TMC7: variants seen among roughly 807,000 people sequenced by gnomAD.
The protein encoded by TMC7 is transmembrane channel-like protein 7.
In TMC7, 54 loss-of-function variants were observed where a neutral mutation model predicts 82.9. The observed-to-expected ratio is 0.65, with a 90% CI of 0.52 to 0.82. The LOEUF is 0.82. TMC7 is among the 40% of genes least tolerant of loss of function. The pLI, the probability that TMC7 is intolerant of heterozygous loss-of-function variation, is 0.00. For synonymous variants in TMC7, 350 were observed against 337.9 expected, an observed-to-expected ratio of 1.04 and a Z score of -0.39; for missense variants, 820 against 901.2, an observed-to-expected ratio of 0.91 and a Z score of 1.15.
At chr16:18,990,107 AG>A in intron 1 of TMC7, among the ~76,000 whole-genome samples, 1 of 152,222 alleles carries the variant, frequency 6.6e-6, no homozygotes, top group East Asian at 1.9e-4. Context: ...AAGGGTGGGG[AG>A]AATTGCAAAG....
chr16:19,047,890 G>A (rs1254470779), intron 12 of TMC7, among the ~76,000 whole-genome samples: 6 of 149,032 alleles, frequency 4.0e-5, no homozygotes, highest in African/African-American at 9.9e-5. Flanking sequence ...TAGTAGAGAC[G>A]GGGTTTCACC....
intron 9 of TMC7, among the ~76,000 whole-genome samples, chr16:19,044,015 G>A (rs1186828076): frequency 1.6e-4 from 25 of 152,148 alleles, no homozygotes; most frequent in African/African-American, 5.3e-4. Flanking sequence ...GACTACAGGC[G>A]TGTGCCACCA....
chr16:19,016,987 C>A (rs1959725049), intron 3 of TMC7, among the ~76,000 whole-genome samples: 1 of 152,046 alleles, frequency 6.6e-6, no homozygotes. Context: ...AGTTTGAGAC[C>A]AGCCTGGACA....
At chr16:19,051,968 C>T (rs1463896860) in intron 13 of TMC7, 152 bp downstream of exon 13, 2 of 976,528 alleles carry the variant, frequency 2.0e-6, no homozygotes, top group Admixed American at 4.4e-5. Flanking sequence ...AGTCTTGGCT[C>T]ACTGCAACCT....
At chr16:18,984,762 A>G (rs2038813703) in intron 1 of TMC7, among the ~76,000 whole-genome samples, 1 of 152,322 alleles carries the variant, frequency 6.6e-6, no homozygotes, top group Non-Finnish European at 1.5e-5. Flanking sequence ...GTAGAATTAC[A>G]GTAAAGTATA....
chr16:18,995,807 C>T (rs576636018), intron 1 of TMC7, among the ~76,000 whole-genome samples: 23 of 152,144 alleles, frequency 1.5e-4, no homozygotes, highest in Admixed American at 1.2e-3. Context: ...GTTTGAGGGC[C>T]GGAATCTAAT....
chr16:19,030,950 GGT>G (rs1437765122), intron 6 of TMC7, among the ~76,000 whole-genome samples: 1 of 152,016 alleles, frequency 6.6e-6, no homozygotes, highest in East Asian at 1.9e-4. Context: ...CCTTTGCTTA[GGT>G]GTGTATATTA....
chr16:19,035,738 A>G lies in TMC7; in HGVS notation c.920A>G (p.Asn307Ser). 2 of 1,613,864 alleles carry G rather than the reference A, an allele frequency of 1.2e-6. No individual in the cohort carries two copies. The highest frequency in any genetic ancestry group is 1.7e-6 in the Non-Finnish European group (2 of 1,179,948). The change falls in exon 7 of 16, where the codon AAC (asparagine) becomes AGC (serine). Residue 307 changes from asparagine to serine, a missense_variant. Asn to Ser is a conservative substitution (Grantham distance 46). This residue lies in a region of TMC7 where 650 missense variants were observed against 669.9 expected (regional missense o/e 0.97). Transcript: ENST00000304381. Reference protein sequence around the residue: ...RSEEHFQSYCNKIFAGWDFCI... With the variant: ...RSEEHFQSYCSKIFAGWDFCI... Reference sequence around the variant, plus strand: ...GAGGAGCACTTTCAGAGTTACTGCAACAAGATATTTGCCGGCTGGGACTTC... The same window carrying G: ...GAGGAGCACTTTCAGAGTTACTGCAGCAAGATATTTGCCGGCTGGGACTTC...
chr16:18,994,040 T>C (rs1359494414), intron 1 of TMC7, among the ~76,000 whole-genome samples: 1 of 151,990 alleles, frequency 6.6e-6, no homozygotes, highest in Non-Finnish European at 1.5e-5. Context: ...GTCGGGTGGA[T>C]CAGAGAGATA....
At chr16:19,034,426 GTC>G (rs146734742) in intron 6 of TMC7, among the ~76,000 whole-genome samples, 19,107 of 149,244 alleles carry the variant, frequency 0.13, 1,303 homozygotes, top group South Asian at 0.17. Context: ...GTGAAATCCT[GTC>G]TCTACTAAAA....
Position 19,030,272 on chromosome 16 carries a change from G to A in TMC7, c.760G>A (p.Gly254Arg). The change falls in exon 6 of 16, where the codon GGG becomes AGG. Residue 254 changes from glycine (G) to arginine (R), a missense_variant. By Grantham distance (125) the Gly-to-Arg change is moderately radical. This residue lies in a region of TMC7 where 650 missense variants were observed against 669.9 expected (regional missense o/e 0.97). Transcript: ENST00000304381. ...CTTTTACGGACATTACACCATTGAT[G>A]GGGTGAAATTTCAGAACTTCACCTA... Reference protein sequence around the residue: ...SLFYGHYTIDGVKFQNFTYDL... With the variant: ...SLFYGHYTIDRVKFQNFTYDL... 1 of 1,613,500 alleles carries A rather than the reference G, an allele frequency of 6.2e-7. No homozygotes were observed. Among genetic ancestry groups the A allele is most frequent in the Non-Finnish European group, 8.5e-7 (1 of 1,179,872 alleles).
intron 13 of TMC7, 142 bp from the exon 14 acceptor site, chr16:19,056,400 C>T (rs1461846162): frequency 2.8e-5 from 28 of 987,836 alleles, no homozygotes; most frequent in South Asian, 1.1e-4. Context: ...TAAGCATTTT[C>T]GACTCAAACA....
chr16:19,006,474 G>A (rs1296147553), intron 1 of TMC7, among the ~76,000 whole-genome samples: 6 of 151,932 alleles, frequency 3.9e-5, no homozygotes, highest in Non-Finnish European at 4.4e-5. Context: ...GTGAGCCACC[G>A]TGCCCGGCCC....
intron 7 of TMC7, among the ~76,000 whole-genome samples, chr16:19,037,082 G>C (rs1960781258): frequency 1.3e-5 from 2 of 152,040 alleles, no homozygotes; most frequent in African/African-American, 2.4e-5. Flanking sequence ...TCTTTACTTA[G>C]GTCTTTAGTA....
rs1961211221 is a variant in TMC7 at position 19,045,155 on chromosome 16, AC to A, written c.1455+158del. On this transcript the variant is annotated intron_variant, in intron 10 of 15. Coordinates refer to ENST00000304381, the MANE Select transcript of TMC7 (RefSeq NM_024847.4). ...ACAGAGTCTGGCCCCATGGAGTCTAACCCCAGGCACTTCTGAGGGCTTGGAA... is the reference window on the plus strand; with the variant it reads ...ACAGAGTCTGGCCCCATGGAGTCTAACCCAGGCACTTCTGAGGGCTTGGAA... 4.8e-6 allele frequency: 4 copies of A among 839,206 alleles called. No individual in the cohort carries two copies. The Admixed American group carries it at 7.7e-5, about 16-fold the overall frequency. 52.0% of individuals were successfully genotyped at this position (839,206 alleles called of 1,614,324 possible).
At position 19,015,613 on chromosome 16, in the gene TMC7, C is replaced by G. The variant is rs1392885109; in HGVS notation, c.312-837C>G. Among the ~76,000 whole-genome samples, 16 of 151,122 alleles carry G rather than the reference C, an allele frequency of 1.1e-4. 1 individual carries two copies. The highest frequency in any genetic ancestry group is 1.1e-3 in the Admixed American group (16 of 15,178). On this transcript the variant is annotated intron_variant, in intron 2 of 15. Transcript: ENST00000304381. ...GAGACCGAGTTTCACTCTTGTTGCCCAGACTGGCCAACATAGTGCAGTGGC... is the reference window on the plus strand; with the variant it reads ...GAGACCGAGTTTCACTCTTGTTGCCGAGACTGGCCAACATAGTGCAGTGGC...
chr16:19,041,067 T>A (rs4782200), intron 9 of TMC7, among the ~76,000 whole-genome samples: 53,412 of 149,052 alleles, frequency 0.36, 9,777 homozygotes, highest in Non-Finnish European at 0.39. Context: ...ATTAAAAAAA[T>A]TTTTTTTTTT....
In TMC7 at chr16:19,045,186, A is replaced by G. The variant is rs1473068334; in HGVS notation, c.1456-155A>G. 3 of 819,396 alleles carry G rather than the reference A, an allele frequency of 3.7e-6. No individual in the cohort carries two copies. In the East Asian group the frequency reaches 7.3e-5, roughly 20 times the overall value. The allele number at this position is 819,396 out of a possible 1,614,324, so 50.8% of individuals were successfully genotyped here. ...GGCACTTCTGAGGGCTTGGAAACCA[A>G]GGTCTGTGCTGAGGCTCAGAGTTTG... is the stretch of plus-strand genomic sequence containing the variant. On this transcript the variant is annotated intron_variant, in intron 10 of 15. Coordinates refer to ENST00000304381, the MANE Select transcript of TMC7 (RefSeq NM_024847.4).
intron 2 of TMC7, among the ~76,000 whole-genome samples, chr16:19,013,682 T>C (rs1294387540): frequency 2.0e-5 from 3 of 151,762 alleles, no homozygotes; most frequent in African/African-American, 7.3e-5. Context: ...CATGCCTGGC[T>C]AATTTTTTTT....
Sources: gnomAD v4.1 joint callset for allele counts (sites outside exome capture counted in the v4.1 genomes callset) on GRCh38, gnomAD v4.1.1 for gene constraint, gnomAD v4.1.1 regional missense constraint, MANE v1.5 for transcripts, NCBI Gene and HGNC (gene_info 2026-07-23, HGNC 2026-07-21) for gene names.